SLC36A1: variants seen among roughly 807,000 people sequenced by gnomAD.
SLC36A1 encodes solute carrier family 36 member 1.
SLC36A1 carries 30 observed loss-of-function variants against 47.5 expected under a neutral mutation model. The observed-to-expected ratio is 0.63, with a 90% CI of 0.47 to 0.86. The LOEUF is 0.86. Among genes scored for constraint, SLC36A1 ranks in the 40% least tolerant of loss-of-function variants. The probability of loss-of-function intolerance (pLI) is 0.00; values close to 1 mark genes in which losing one functional copy is unlikely to be tolerated. For missense variants in SLC36A1, 517 were observed against 606.0 expected (o/e 0.85, Z 1.54); for synonymous variants, 255 against 249.7 (o/e 1.02, Z -0.20).
the SLC36A1 span, chr5:151,529,432 G>A: frequency 1.3e-6 from 2 of 1,573,248 alleles, no homozygotes; most frequent in Non-Finnish European, 1.7e-6. Context: ...GAGGCAGTTG[G>A]GCCCTCAAAG....
At chr5:151,364,237 G>A in the SLC36A1 span, among the ~76,000 whole-genome samples, 123 of 152,092 alleles carry the variant, frequency 8.1e-4, no homozygotes, top group African/African-American at 2.8e-3. Flanking sequence ...ATTTTTTAAT[G>A]TTTCTAGGCT....
chr5:151,429,943 G>T, the SLC36A1 span, among the ~76,000 whole-genome samples: 1 of 152,078 alleles, frequency 6.6e-6, no homozygotes, highest in African/African-American at 2.4e-5. Flanking sequence ...AAGATTCAAC[G>T]ATACTCATTC....
the SLC36A1 span, among the ~76,000 whole-genome samples, chr5:151,357,634 T>C: frequency 7.2e-5 from 11 of 152,224 alleles, no homozygotes; most frequent in Non-Finnish European, 1.5e-5. Flanking sequence ...CATTTACGTA[T>C]TGTTTAAATC....
At chr5:151,428,005 A>T in the SLC36A1 span, among the ~76,000 whole-genome samples, 1 of 152,120 alleles carries the variant, frequency 6.6e-6, no homozygotes. Flanking sequence ...TCCCTGGGAC[A>T]CAGCTACAGC....
chr5:151,393,734 A>G, the SLC36A1 span, among the ~76,000 whole-genome samples: 2 of 151,782 alleles, frequency 1.3e-5, no homozygotes, highest in Non-Finnish European at 2.9e-5. Flanking sequence ...ATTGGCCCCC[A>G]CTCTCTTCTG....
the SLC36A1 span, chr5:151,526,008 C>T: frequency 6.3e-7 from 1 of 1,588,340 alleles, no homozygotes; most frequent in African/African-American, 1.3e-5. Flanking sequence ...CAGAATGAGT[C>T]CCGGTCCTTC....
chr5:151,509,014 C>G, the SLC36A1 span, among the ~76,000 whole-genome samples: 1,863 of 152,220 alleles, frequency 0.012, 40 homozygotes, highest in African/African-American at 0.042. Flanking sequence ...AGATAATTGT[C>G]AAAGTCTCTT....
the SLC36A1 span, among the ~76,000 whole-genome samples, chr5:151,377,477 T>C: frequency 2.0e-5 from 3 of 151,278 alleles, no homozygotes; most frequent in Non-Finnish European, 2.9e-5. Flanking sequence ...GCCTCCCGTG[T>C]AGCTGGGACT....
chr5:151,453,502 C>G (rs940967914), intron 1 of SLC36A1, among the ~76,000 whole-genome samples: 9 of 151,908 alleles, frequency 5.9e-5, no homozygotes, highest in Non-Finnish European at 1.0e-4. Context: ...CTGGATGGTA[C>G]AACTTCAGAA....
chr5:151,499,759 C>T, the SLC36A1 span, among the ~76,000 whole-genome samples: 1 of 151,272 alleles, frequency 6.6e-6, no homozygotes, highest in African/African-American at 2.5e-5. Flanking sequence ...CCCTCATCCG[C>T]CAGCCCCTGA....
At chr5:151,417,149 G>T in the SLC36A1 span, among the ~76,000 whole-genome samples, 1 of 152,180 alleles carries the variant, frequency 6.6e-6, no homozygotes, top group African/African-American at 2.4e-5. Flanking sequence ...CAGTAAATTG[G>T]TACCGAGGTA....
chr5:151,364,117 T>C, the SLC36A1 span, among the ~76,000 whole-genome samples: 1 of 152,224 alleles, frequency 6.6e-6, no homozygotes, highest in South Asian at 2.1e-4. Context: ...CTAGTTTTGA[T>C]AAATTTTAAC....
chr5:151,470,283 C>G (rs960456992), intron 7 of SLC36A1, among the ~76,000 whole-genome samples: 28 of 152,334 alleles, frequency 1.8e-4, no homozygotes, highest in African/African-American at 6.3e-4. Flanking sequence ...GACAGACACA[C>G]CTGCTGCATT....
chr5:151,433,431 C>T (rs1759573080), upstream of SLC36A1, among the ~76,000 whole-genome samples: 1 of 147,802 alleles, frequency 6.8e-6, no homozygotes, highest in Admixed American at 6.8e-5. Flanking sequence ...TTACAGGCAC[C>T]CACCACCACA....
chr5:151,534,971 A>ATATATATATATATATATATATATG, the SLC36A1 span, among the ~76,000 whole-genome samples: 1 of 22,602 alleles, frequency 4.4e-5, no homozygotes, highest in Non-Finnish European at 6.5e-5. Context: ...TTCTAGGAAA[A>ATATATATATATATATATATATATG]TATATATATA....
intron 1 of SLC36A1, chr5:151,452,354 CAGAG>C (rs1312912707): frequency 6.6e-6 from 1 of 152,212 alleles, no homozygotes; most frequent in East Asian, 1.9e-4. Context: ...ATTCCATCGA[CAGAG>C]AGGAGAAAAT....
chr5:151,429,999 A>G, the SLC36A1 span, among the ~76,000 whole-genome samples: 1 of 152,152 alleles, frequency 6.6e-6, no homozygotes, highest in South Asian at 2.1e-4. Context: ...ATTGATATAG[A>G]AGATCCCTTT....
At chr5:151,349,644 G>A in the SLC36A1 span, among the ~76,000 whole-genome samples, 2 of 152,146 alleles carry the variant, frequency 1.3e-5, no homozygotes, top group South Asian at 4.1e-4. Context: ...GGGTGGGGCA[G>A]GCAACTGGTG....
At chr5:151,521,918 C>T in the SLC36A1 span, 1 of 1,613,922 alleles carries the variant, frequency 6.2e-7, no homozygotes, top group Middle Eastern at 1.7e-4. Context: ...TCCTGGGGGT[C>T]TCGGTCTGTG....
Sources: gnomAD v4.1 joint callset for allele counts (sites outside exome capture counted in the v4.1 genomes callset) on GRCh38, gnomAD v4.1.1 for gene constraint, MANE v1.5 for transcripts, NCBI Gene and HGNC (gene_info 2026-07-23, HGNC 2026-07-21) for gene names.